ABLIM1: variants seen among roughly 807,000 people sequenced by gnomAD.
ABLIM1 encodes the protein actin-binding LIM protein 1.
A neutral mutation model predicts 107.0 loss-of-function variants in ABLIM1; 40 were observed. That is an observed-to-expected ratio of 0.37 (90% CI 0.29 to 0.49). The LOEUF is 0.49. Ranked by LOEUF, ABLIM1 falls within the 20% of genes least tolerant of loss-of-function variation. ABLIM1 has a pLI of 0.97. For missense variants in ABLIM1, 857 were observed against 1,008.5 expected, an observed-to-expected ratio of 0.85 and a Z score of 2.04; for synonymous variants, 357 against 357.3, an observed-to-expected ratio of 1.00 and a Z score of 0.01.
rs900418290 is a variant in ABLIM1, at chr10:114,728,684, G to A, written c.-213+39377C>T. ...TGCAAAGCTGTGATGTGTATTGTTC[G>A]TCTACATATATATGTGAGAATACTC... On this transcript the variant is annotated intron_variant, in intron 1 of 15. Coordinates refer to the ABLIM1 transcript ENST00000651092. Among the ~76,000 whole-genome samples the A allele has an allele frequency of 1.1e-4, 17 of 151,852 alleles. 1 individual carries two copies. Among genetic ancestry groups the A allele is most frequent in the African/African-American group, 3.1e-4 (13 of 41,360 alleles).
chr10:114,594,309 G>A (rs1396501754), intron 2 of ABLIM1, among the ~76,000 whole-genome samples: 1 of 152,214 alleles, frequency 6.6e-6, no homozygotes, highest in African/African-American at 2.4e-5. Context: ...GTATCTGCCA[G>A]GCAGGCTTGT....
At chr10:114,683,276 C>T (rs985554206) in intron 1 of ABLIM1, among the ~76,000 whole-genome samples, 16 of 152,174 alleles carry the variant, frequency 1.1e-4, no homozygotes, top group African/African-American at 3.9e-4. Context: ...TGTCAACTTT[C>T]GTCTTTCCAG....
At chr10:114,564,639 CATCATAACA>C (rs2070388371) in intron 4 of ABLIM1, among the ~76,000 whole-genome samples, 1 of 152,076 alleles carries the variant, frequency 6.6e-6, no homozygotes, top group African/African-American at 2.4e-5. Flanking sequence ...CTTACTTTGT[CATCATAACA>C]ACTCTTTGAA....
intron 1 of ABLIM1, among the ~76,000 whole-genome samples, chr10:114,612,545 C>T (rs756906880): frequency 2.0e-5 from 3 of 152,242 alleles, no homozygotes; most frequent in Non-Finnish European, 4.4e-5. Context: ...TCAGGAAAGA[C>T]TGTCACTAAC....
At chr10:114,550,204 C>T (rs1175802815) in intron 4 of ABLIM1, among the ~76,000 whole-genome samples, 1 of 151,884 alleles carries the variant, frequency 6.6e-6, no homozygotes, top group East Asian at 1.9e-4. Flanking sequence ...AAAGATTAAG[C>T]ATTTTTTTAA....
chr10:114,686,590 T>C (rs118085951), upstream of ABLIM1, among the ~76,000 whole-genome samples: 622 of 152,048 alleles, frequency 4.1e-3, 4 homozygotes, highest in Non-Finnish European at 5.7e-3. Context: ...TCTTTCTCTC[T>C]TCCTTCCTCT....
intron 1 of ABLIM1, among the ~76,000 whole-genome samples, chr10:114,647,110 C>G (rs951038647): frequency 2.6e-5 from 4 of 152,158 alleles, no homozygotes; most frequent in Non-Finnish European, 4.4e-5. Flanking sequence ...ATTATTGTGC[C>G]TCAGCCTCCC....
chr10:114,580,229 C>A (rs966712017), intron 2 of ABLIM1, among the ~76,000 whole-genome samples: 3 of 145,162 alleles, frequency 2.1e-5, no homozygotes, highest in African/African-American at 7.7e-5. Context: ...ATTTTTTAGA[C>A]AAGGTCTTGC....
At chr10:114,448,653 G>A (rs187702065) in intron 14 of ABLIM1, among the ~76,000 whole-genome samples, 71 of 148,424 alleles carry the variant, frequency 4.8e-4, no homozygotes, top group African/African-American at 1.4e-3. Flanking sequence ...TCACTCTGTC[G>A]CCCAGGCTGG....
intron 1 of ABLIM1, among the ~76,000 whole-genome samples, chr10:114,652,225 T>C (rs1194956819): frequency 6.6e-6 from 1 of 152,218 alleles, no homozygotes; most frequent in Non-Finnish European, 1.5e-5. Context: ...TGCTGTCTTT[T>C]TGACAACAAA....
chr10:114,689,798 C>T (rs1258688029), upstream of ABLIM1, among the ~76,000 whole-genome samples: 3 of 151,864 alleles, frequency 2.0e-5, no homozygotes, highest in South Asian at 2.1e-4. Context: ...GGACTCTCTA[C>T]ATTCAACAAT....
intron 4 of ABLIM1, among the ~76,000 whole-genome samples, chr10:114,551,207 G>A (rs960845627): frequency 6.6e-6 from 1 of 152,348 alleles, no homozygotes; most frequent in South Asian, 2.1e-4. Flanking sequence ...ATAATACAAT[G>A]CTTGGTACAT....
At chr10:114,463,001 TCTC>T (rs1216466364) in intron 12 of ABLIM1, 2 of 1,306,420 alleles carry the variant, frequency 1.5e-6, no homozygotes, top group Non-Finnish European at 1.0e-6. Context: ...TGCTAATAAA[TCTC>T]CACTATGCAG....
At chr10:114,744,745 C>T (rs1164538345) in intron 1 of ABLIM1, among the ~76,000 whole-genome samples, 1 of 152,172 alleles carries the variant, frequency 6.6e-6, no homozygotes, top group Non-Finnish European at 1.5e-5. Flanking sequence ...TGAAGCAACA[C>T]CAGGCTCTGG....
intron 17 of ABLIM1, among the ~76,000 whole-genome samples, chr10:114,443,595 G>A (rs1280347839): frequency 5.4e-5 from 8 of 147,740 alleles, no homozygotes; most frequent in Non-Finnish European, 1.2e-4. Context: ...TTACAGGCAT[G>A]AGCCACCGCA....
rs2058972740 is a variant in ABLIM1, at chr10:114,432,620, C to T, written c.*3640G>A. On this transcript the variant is annotated 3_prime_UTR_variant, in exon 23 of 23. Coordinates refer to ENST00000533213, the MANE Select transcript of ABLIM1 (RefSeq NM_002313.7). ...GTGAAAGTTTTAGAAACATTGCCAG[C>T]TAGACGTCTCCGAGTTAGAGTTGAT... 6.6e-6 allele frequency: 1 copy of T among 152,168 alleles called. No individual in the cohort carries two copies. The highest frequency in any genetic ancestry group is 1.5e-5 in the Non-Finnish European group (1 of 68,028). 9.4% of individuals were successfully genotyped at this position (152,168 alleles called of 1,614,324 possible).
At chr10:114,780,368 C>T in the ABLIM1 span, among the ~76,000 whole-genome samples, 1 of 152,154 alleles carries the variant, frequency 6.6e-6, no homozygotes, top group South Asian at 2.1e-4. Context: ...TTGAATCAGG[C>T]AACAACTCAA....
chr10:114,474,666 C>T (rs772691786), intron 8 of ABLIM1, among the ~76,000 whole-genome samples: 3 of 152,180 alleles, frequency 2.0e-5, no homozygotes, highest in Non-Finnish European at 4.4e-5. Context: ...AGGCGTGAGC[C>T]ACCGCACTCA....
chr10:114,575,314 T>A, intron 3 of ABLIM1, 102 bp downstream of exon 3: 1 of 1,286,660 alleles, frequency 7.8e-7, no homozygotes, highest in Non-Finnish European at 1.1e-6. Context: ...TAAGAGTATG[T>A]GCTACTCAAG....
Sources: allele counts gnomAD v4.1 joint callset (sites outside exome capture counted in the v4.1 genomes callset), GRCh38; gene constraint gnomAD v4.1.1; transcripts MANE v1.5; gene names NCBI Gene and HGNC (gene_info 2026-07-23, HGNC 2026-07-21).